LAMB4: variants seen among roughly 807,000 people sequenced by gnomAD.
LAMB4 encodes laminin subunit beta-4.
A neutral mutation model predicts 199.2 loss-of-function variants in LAMB4; 196 were observed. The observed-to-expected ratio is 0.98, with a 90% CI of 0.88 to 1.11. LAMB4 has a LOEUF of 1.11. Ranked by LOEUF, LAMB4 falls within the 50% of genes least tolerant of loss-of-function variation. The pLI, the probability that LAMB4 is intolerant of heterozygous loss-of-function variation, is 0.00. For synonymous variants in LAMB4, 744 were observed against 770.6 expected (o/e 0.97, Z 0.57); for missense variants, 2,080 against 2,171.2 (o/e 0.96, Z 0.83).
chr7:108,040,407 T>C (rs2035381114), intron 29 of LAMB4, among the ~76,000 whole-genome samples: 1 of 152,174 alleles, frequency 6.6e-6, no homozygotes, highest in Non-Finnish European at 1.5e-5. Flanking sequence ...CTAGAAAATA[T>C]ATTTTAAAGT....
intron 31 of LAMB4, among the ~76,000 whole-genome samples, chr7:108,033,398 G>A (rs560519801): frequency 6.6e-6 from 1 of 152,090 alleles, no homozygotes; most frequent in Non-Finnish European, 1.5e-5. Flanking sequence ...ATTACTTCTT[G>A]TTCTGTTGCT....
chr7:108,030,270 A>G (rs1039153555), intron 32 of LAMB4, among the ~76,000 whole-genome samples: 1 of 152,188 alleles, frequency 6.6e-6, no homozygotes, highest in Non-Finnish European at 1.5e-5. Context: ...TGTTTAGGCA[A>G]CTATATTAAT....
At chr7:108,031,188 G>C (rs1029918092) in intron 31 of LAMB4, among the ~76,000 whole-genome samples, 2 of 151,676 alleles carry the variant, frequency 1.3e-5, no homozygotes, top group African/African-American at 4.8e-5. Context: ...AGCCTAGCGT[G>C]GGGTGCATGC....
intron 26 of LAMB4, among the ~76,000 whole-genome samples, chr7:108,051,116 G>A (rs1410035036): frequency 6.6e-6 from 1 of 152,156 alleles, no homozygotes; most frequent in African/African-American, 2.4e-5. Context: ...CTGGCGTGGG[G>A]TGACCTCTGA....
In LAMB4 at chr7:108,092,348, A is replaced by C. The variant is rs1441917307; in HGVS notation, c.1539T>G (p.Ala513=). Residue 513 remains alanine, a synonymous_variant, in exon 13 of 34, where the codon GCT becomes GCG. Transcript: ENST00000388781. The part of the protein sequence containing the change: ...CSPCDCDIGG[A]YSNVCSPKNG... ...CTTATTTGACTTACACGTTAGAATA[A>C]GCACCTCCAATATCACAGTCACAGG... 3 of 1,613,066 alleles carry C rather than the reference A, an allele frequency of 1.9e-6. No homozygotes were observed. The highest frequency in any genetic ancestry group is 2.5e-6 in the Non-Finnish European group (3 of 1,179,142).
chr7:108,119,009 T>C (rs1159981457), intron 2 of LAMB4, among the ~76,000 whole-genome samples: 3 of 152,254 alleles, frequency 2.0e-5, no homozygotes, highest in East Asian at 3.9e-4. Flanking sequence ...GTGAAGAAGA[T>C]ACACAGATGG....
At chr7:108,031,331 C>CAAAAAAAAAAAAAAAAAAAAAAAAAAAA in intron 31 of LAMB4, among the ~76,000 whole-genome samples, 1 of 14,958 alleles carries the variant, frequency 6.7e-5, no homozygotes, top group African/African-American at 3.1e-4. Flanking sequence ...TCAACAATAA[C>CAAAAAAAAAAAAAAAAAAAAAAAAAAAA]AAAAAAAAAA....
At chr7:108,066,010 C>T (rs779824669) in intron 20 of LAMB4, 91 bp from the exon 21 acceptor site, 4 of 1,222,388 alleles carry the variant, frequency 3.3e-6, no homozygotes, top group African/African-American at 1.5e-5. Flanking sequence ...AACAGTGCAC[C>T]TCTGAAAACT....
chr7:108,034,384 C>T (rs554793798), intron 30 of LAMB4, 38 bp from the exon 31 acceptor site: 4 of 1,467,088 alleles, frequency 2.7e-6, no homozygotes, highest in Admixed American at 3.4e-5. Flanking sequence ...TAGATAAATA[C>T]ACAATTATTC....
At chr7:108,038,844 A>G (rs1363616044) in intron 29 of LAMB4, among the ~76,000 whole-genome samples, 1 of 152,214 alleles carries the variant, frequency 6.6e-6, no homozygotes, top group Non-Finnish European at 1.5e-5. Context: ...CCCATAGGGA[A>G]GCTAGAGATG....
At chr7:108,045,583 G>A (rs1268669239) in intron 28 of LAMB4, among the ~76,000 whole-genome samples, 1 of 152,194 alleles carries the variant, frequency 6.6e-6, no homozygotes, top group African/African-American at 2.4e-5. Context: ...TTAATGATAT[G>A]ATCAAGTGGC....
rs773779808 is a variant in LAMB4 at position 108,055,606 on chromosome 7, G to C, written c.3755+26C>G. On this transcript the variant is annotated intron_variant, in intron 25 of 33. Transcript: ENST00000388781. Reference sequence around the variant, plus strand: ...GTTAAGGTAAATCAGGAGTTTGGCTGTCTGTTACTTGAGCATAAATCTTAC... The same window carrying C: ...GTTAAGGTAAATCAGGAGTTTGGCTCTCTGTTACTTGAGCATAAATCTTAC... 20 of 1,590,716 alleles carry C rather than the reference G, an allele frequency of 1.3e-5. No homozygotes were observed. The Admixed American group carries it at 1.4e-4, about 11-fold the overall frequency.
the LAMB4 span, among the ~76,000 whole-genome samples, chr7:108,017,376 C>CT: frequency 6.6e-6 from 1 of 152,094 alleles, no homozygotes; most frequent in Admixed American, 6.5e-5. Flanking sequence ...AAATAAATTG[C>CT]TTTTTTTCTG....
chr7:108,070,000 A>G, intron 17 of LAMB4, 115 bp from the exon 18 acceptor site: 1 of 711,000 alleles, frequency 1.4e-6, no homozygotes, highest in Non-Finnish European at 2.2e-6. Flanking sequence ...ACTCAACTCA[A>G]TCCTTTAAAC....
chr7:108,090,134 T>C (rs368032355), intron 14 of LAMB4, among the ~76,000 whole-genome samples: 177 of 152,314 alleles, frequency 1.2e-3, no homozygotes, highest in African/African-American at 4.1e-3. Context: ...AGATAATGTA[T>C]GTAAAGTGCA....
intron 25 of LAMB4, among the ~76,000 whole-genome samples, chr7:108,054,926 G>A (rs895106544): frequency 2.6e-5 from 4 of 152,082 alleles, no homozygotes; most frequent in African/African-American, 7.2e-5. Flanking sequence ...GACCATACTT[G>A]GTATAAGACT....
downstream of LAMB4, among the ~76,000 whole-genome samples, chr7:108,020,426 G>A (rs1298876504): frequency 2.1e-5 from 3 of 145,420 alleles, no homozygotes; most frequent in African/African-American, 5.2e-5. Context: ...AGCCGAGATC[G>A]TGCCACTGCA....
the LAMB4 span, among the ~76,000 whole-genome samples, chr7:108,016,274 AAT>A: frequency 6.0e-5 from 8 of 133,436 alleles, no homozygotes; most frequent in African/African-American, 1.9e-4. Context: ...TGCATTTTGG[AAT>A]TTTTTTTTTT....
rs183258310 is a variant in LAMB4, at chr7:108,054,257, A to G, written c.3755+1375T>C. Among the ~76,000 whole-genome samples the G allele has an allele frequency of 8.0e-4, 122 of 152,290 alleles. 2 individuals are homozygous for G. The highest frequency in any genetic ancestry group is 5.1e-3 in the Admixed American group (78 of 15,302). On this transcript the variant is annotated intron_variant, in intron 25 of 33. Coordinates refer to ENST00000388781, the MANE Select transcript of LAMB4 (RefSeq NM_007356.3). The stretch of plus-strand genomic sequence containing the variant: ...CCAGCCCAGAAGTCTTTAGAGAAGT[A>G]TAGATGTGCCTGTTGTCACCTGCCA...
Sources: allele counts gnomAD v4.1 joint callset (sites outside exome capture counted in the v4.1 genomes callset), GRCh38; gene constraint gnomAD v4.1.1; transcripts MANE v1.5; gene names NCBI Gene and HGNC (gene_info 2026-07-23, HGNC 2026-07-21).